MYT1L: variants seen among roughly 807,000 people sequenced by gnomAD.
MYT1L encodes myelin transcription factor 1 like.
MYT1L carries 12 observed loss-of-function variants against 126.7 expected under a neutral mutation model. The ratio of observed to expected loss-of-function variants is 0.09; its 90% confidence interval spans 0.06 to 0.15. MYT1L has a LOEUF of 0.15. Among genes scored for constraint, MYT1L ranks in the 10% least tolerant of loss-of-function variants. MYT1L has a pLI of 1.00. For missense variants in MYT1L, 979 were observed against 1,585.2 expected (o/e 0.62, Z 6.49); for synonymous variants, 541 against 604.2 (o/e 0.90, Z 1.53).
chr2:2,019,784 T>C (rs1393389553), intron 4 of MYT1L, among the ~76,000 whole-genome samples: 1 of 151,930 alleles, frequency 6.6e-6, no homozygotes, highest in Non-Finnish European at 1.5e-5. Flanking sequence ...CCATAAATGT[T>C]ATACTGTAAA....
At position 2,093,404 on chromosome 2, in the gene MYT1L, C is replaced by CAA. The variant is rs35350564; in HGVS notation, c.-303-39283_-303-39282dup. Among the ~76,000 whole-genome samples, 550 of 116,810 alleles carry CAA rather than the reference C, an allele frequency of 4.7e-3. 2 individuals carry two copies. The highest frequency in any genetic ancestry group is 0.016 in the African/African-American group (534 of 33,426). 76.6% of individuals were successfully genotyped at this position (116,810 alleles called of 152,430 possible). The stretch of plus-strand genomic sequence containing the variant: ...GTGATAATAAAATGAAAACAATGTA[C>CAA]AAAAAAAAAAAAAGATTATCAGAAA... On this transcript the variant is annotated intron_variant, in intron 3 of 24. Transcript: ENST00000647738.
chr2:1,975,813 T>C (rs1432483432), intron 8 of MYT1L, among the ~76,000 whole-genome samples: 2 of 152,152 alleles, frequency 1.3e-5, no homozygotes, highest in African/African-American at 4.8e-5. Flanking sequence ...TCAGTGAGCT[T>C]AGATTGTGCC....
At chr2:2,076,241 G>T (rs972094363) in intron 3 of MYT1L, among the ~76,000 whole-genome samples, 1 of 152,174 alleles carries the variant, frequency 6.6e-6, no homozygotes, top group African/African-American at 2.4e-5. Context: ...AAGGCTGTGT[G>T]CATGTCCAGG....
chr2:2,315,924 T>C (rs1003366920), intron 1 of MYT1L, among the ~76,000 whole-genome samples: 2 of 152,220 alleles, frequency 1.3e-5, no homozygotes, highest in African/African-American at 4.8e-5. Context: ...TTTCTTTTAT[T>C]ACACCTCTCC....
At chr2:1,899,892 A>C (rs1021385219) in intron 14 of MYT1L, among the ~76,000 whole-genome samples, 6 of 152,210 alleles carry the variant, frequency 3.9e-5, no homozygotes, top group Non-Finnish European at 5.9e-5. Flanking sequence ...ATGGACAGCA[A>C]GCACTGGTGT....
intron 14 of MYT1L, 170 bp downstream of exon 14, chr2:1,902,910 T>A (rs776228250): frequency 3.2e-6 from 2 of 622,204 alleles, no homozygotes; most frequent in Non-Finnish European, 5.7e-6. Flanking sequence ...CCTACAGCTG[T>A]GTGGACCTGA....
At chr2:2,066,701 G>A (rs548151544) in intron 3 of MYT1L, among the ~76,000 whole-genome samples, 1 of 152,202 alleles carries the variant, frequency 6.6e-6, no homozygotes, top group Non-Finnish European at 1.5e-5. Flanking sequence ...TGGGGGAAAG[G>A]AGAAAAGTTG....
chr2:1,823,668 G>A (rs1438876111), intron 21 of MYT1L, among the ~76,000 whole-genome samples: 4 of 152,082 alleles, frequency 2.6e-5, no homozygotes, highest in African/African-American at 7.2e-5. Flanking sequence ...ATGAGGCTGA[G>A]TGCCTGTAGG....
intron 18 of MYT1L, among the ~76,000 whole-genome samples, chr2:1,881,066 T>C (rs1489468588): frequency 1.3e-5 from 2 of 152,156 alleles, no homozygotes; most frequent in African/African-American, 2.4e-5. Flanking sequence ...TATAGTTAGT[T>C]AAAAGAAGTC....
At chr2:2,323,032 T>C (rs1351855571) in intron 1 of MYT1L, among the ~76,000 whole-genome samples, 3 of 152,014 alleles carry the variant, frequency 2.0e-5, no homozygotes, top group African/African-American at 7.2e-5. Context: ...GAAAAAACAA[T>C]AGATAATTTA....
At chr2:2,291,493 CA>C (rs1315336417) in intron 1 of MYT1L, among the ~76,000 whole-genome samples, 6 of 152,144 alleles carry the variant, frequency 3.9e-5, no homozygotes, top group African/African-American at 1.4e-4. Context: ...GGAGACTGGC[CA>C]ACAGGAAAGT....
At chr2:1,851,370 G>A (rs1406983235) in intron 19 of MYT1L, among the ~76,000 whole-genome samples, 3 of 152,122 alleles carry the variant, frequency 2.0e-5, no homozygotes, top group African/African-American at 4.8e-5. Context: ...AGAAAGAAGT[G>A]CAGCTGGATA....
chr2:2,241,974 C>A (rs904817461), intron 2 of MYT1L, among the ~76,000 whole-genome samples: 8 of 151,908 alleles, frequency 5.3e-5, no homozygotes, highest in African/African-American at 1.7e-4. Context: ...GTACTATATC[C>A]CACCTTGCAT....
At chr2:1,821,839 T>A (rs2038579101) in intron 21 of MYT1L, among the ~76,000 whole-genome samples, 1 of 152,222 alleles carries the variant, frequency 6.6e-6, no homozygotes, top group Non-Finnish European at 1.5e-5. Flanking sequence ...TCCATCTCAC[T>A]TGACGTTCCC....
intron 4 of MYT1L, among the ~76,000 whole-genome samples, chr2:2,003,243 A>G (rs2149668269): frequency 6.6e-6 from 1 of 152,168 alleles, no homozygotes; most frequent in African/African-American, 2.4e-5. Context: ...ACACAGCCTC[A>G]CACTTCCTGC....
At chr2:2,206,137 C>A (rs904775154) in intron 2 of MYT1L, among the ~76,000 whole-genome samples, 1 of 151,974 alleles carries the variant, frequency 6.6e-6, no homozygotes, top group African/African-American at 2.4e-5. Flanking sequence ...TGCACACCAC[C>A]ACGCCCAGCT....
At chr2:1,997,549 C>T (rs2061977768) in intron 4 of MYT1L, among the ~76,000 whole-genome samples, 1 of 152,242 alleles carries the variant, frequency 6.6e-6, no homozygotes. Flanking sequence ...GCTGTTCGGA[C>T]TCTGACCCTT....
chr2:2,091,228 A>T (rs1376850065), intron 3 of MYT1L, among the ~76,000 whole-genome samples: 1 of 152,230 alleles, frequency 6.6e-6, no homozygotes, highest in African/African-American at 2.4e-5. Context: ...AAGACTTGAC[A>T]ATTGAAATTA....
In MYT1L at chr2:2,129,905, C is replaced by CAAA. The variant is rs11417173; in HGVS notation, c.-304+42964_-304+42966dup. Among the ~76,000 whole-genome samples, 1,090 of 118,600 alleles carry CAAA rather than the reference C, an allele frequency of 9.2e-3. 16 individuals carry two copies. The highest frequency in any genetic ancestry group is 0.031 in the African/African-American group (1,035 of 33,098). The allele number at this position is 118,600 out of a possible 152,430, so 77.8% of individuals were successfully genotyped here. A position where few individuals can be genotyped will look rare whatever the true frequency, so the allele number is the denominator to read the frequency against. On this transcript the variant is annotated intron_variant, in intron 3 of 24. Coordinates refer to ENST00000647738, the MANE Select transcript of MYT1L (RefSeq NM_001303052.2). Reference sequence around the variant, plus strand: ...TGGGCGACAGAGCGAGACTCCATCTCAAAAAAAAAAAAAAAATTAACTTCT... The same window carrying CAAA: ...TGGGCGACAGAGCGAGACTCCATCTCAAAAAAAAAAAAAAAAAAATTAACTTCT...
Sources: gnomAD v4.1 joint callset for allele counts (sites outside exome capture counted in the v4.1 genomes callset) on GRCh38, gnomAD v4.1.1 for gene constraint, MANE v1.5 for transcripts, NCBI Gene and HGNC (gene_info 2026-07-23, HGNC 2026-07-21) for gene names.